The following MYO16 variants were observed in gnomAD, a reference collection of about 807,000 sequenced individuals.
MYO16 encodes unconventional myosin-XVI.
MYO16 carries 94 observed loss-of-function variants against 205.3 expected under a neutral mutation model. That is an observed-to-expected ratio of 0.46 (90% CI 0.39 to 0.54). The LOEUF is 0.54. MYO16 is among the 20% of genes least tolerant of loss of function. MYO16 has a pLI of 0.00. For synonymous variants in MYO16, 988 were observed against 954.0 expected (o/e 1.04, Z -0.66); for missense variants, 2,315 against 2,387.5 (o/e 0.97, Z 0.63).
intron 12 of MYO16, among the ~76,000 whole-genome samples, chr13:108,881,150 C>G (rs1027849741): frequency 1.3e-5 from 2 of 152,174 alleles, no homozygotes; most frequent in African/African-American, 4.8e-5. Context: ...TTTTCTGCAG[C>G]CTCTGCTGGT....
chr13:108,631,329 C>T (rs1240482697), intron 1 of MYO16, among the ~76,000 whole-genome samples: 12 of 152,272 alleles, frequency 7.9e-5, no homozygotes, highest in African/African-American at 2.2e-4. Flanking sequence ...GTGACATGGA[C>T]GTGAGAGATT....
chr13:108,706,263 A>G (rs1883504907), intron 2 of MYO16, among the ~76,000 whole-genome samples: 1 of 152,204 alleles, frequency 6.6e-6, no homozygotes, highest in African/African-American at 2.4e-5. Flanking sequence ...AGTTGATTGT[A>G]CGTGGCTGAA....
At chr13:108,771,089 A>G (rs1236125569) in intron 4 of MYO16, among the ~76,000 whole-genome samples, 3 of 152,286 alleles carry the variant, frequency 2.0e-5, no homozygotes, top group East Asian at 3.9e-4. Context: ...TTAGGACTAT[A>G]AAGGGGAGGA....
rs145218357 is a variant in MYO16, at chr13:109,067,437, C to T, written c.3335+11842C>T. ...TTCCCAGGAGGTAGGTTCAAAGTCT[C>T]ACATCTCATCCCTAAGGGTGTCTCT... On this transcript the variant is annotated intron_variant, in intron 27 of 34. Coordinates refer to ENST00000457511, the MANE Select transcript of MYO16 (RefSeq NM_001198950.3). Among the ~76,000 whole-genome samples the T allele has an allele frequency of 6.3e-4, 96 of 152,286 alleles. 1 individual carries two copies. Among genetic ancestry groups the T allele is most frequent in the African/African-American group, 2.1e-3 (89 of 41,552 alleles).
intron 20 of MYO16, among the ~76,000 whole-genome samples, chr13:108,982,191 G>A (rs1021448613): frequency 7.9e-5 from 12 of 152,212 alleles, no homozygotes; most frequent in African/African-American, 2.2e-4. Context: ...TAATACCAGC[G>A]TGTTGTATTC....
intron 34 of MYO16, among the ~76,000 whole-genome samples, chr13:109,193,990 T>C (rs1880038783): frequency 6.6e-6 from 1 of 152,334 alleles, no homozygotes; most frequent in South Asian, 2.1e-4. Flanking sequence ...GTGGCCATAC[T>C]GCCTTTAAAT....
intron 3 of MYO16, among the ~76,000 whole-genome samples, chr13:108,714,309 C>A (rs1288695367): frequency 6.6e-6 from 1 of 152,218 alleles, no homozygotes; most frequent in African/African-American, 2.4e-5. Context: ...CCCGCCTTGG[C>A]CTCCCGAAGT....
rs978619246 is a variant in MYO16, at chr13:108,947,076, A to G, written c.1926-10612A>G. ...GGGGTGGGCCTGGATGAACCTGCCT[A>G]AGAATACCTTTGTCAGTAGTAACTA... is the stretch of plus-strand genomic sequence containing the variant. On this transcript the variant is annotated intron_variant, in intron 16 of 34. Coordinates refer to ENST00000457511, the MANE Select transcript of MYO16 (RefSeq NM_001198950.3). 2.0e-5 allele frequency among the ~76,000 whole-genome samples: 3 copies of G among 152,212 alleles called. No homozygotes were observed. The South Asian group carries it at 6.2e-4, about 31-fold the overall frequency.
intron 34 of MYO16, among the ~76,000 whole-genome samples, chr13:109,206,398 G>A (rs151108156): frequency 5.8e-4 from 89 of 152,302 alleles, no homozygotes; most frequent in Non-Finnish European, 1.0e-3. Flanking sequence ...AGTTCCCAAT[G>A]TTTTGTTGCA....
chr13:108,755,091 G>T (rs1298756356), intron 4 of MYO16, among the ~76,000 whole-genome samples: 1 of 152,064 alleles, frequency 6.6e-6, no homozygotes, highest in Non-Finnish European at 1.5e-5. Context: ...ATGATCTGGA[G>T]CAGACATAGA....
At chr13:108,981,012 G>A (rs765960883) in intron 20 of MYO16, among the ~76,000 whole-genome samples, 1 of 152,120 alleles carries the variant, frequency 6.6e-6, no homozygotes, top group Non-Finnish European at 1.5e-5. Flanking sequence ...TTAAAAGCCT[G>A]AGTTTTTGCA....
the MYO16 span, among the ~76,000 whole-genome samples, chr13:108,570,436 A>G: frequency 6.6e-6 from 1 of 151,904 alleles, no homozygotes; most frequent in South Asian, 2.1e-4. Flanking sequence ...TTTCATAGAG[A>G]TGGGGTTCCT....
intron 4 of MYO16, among the ~76,000 whole-genome samples, chr13:108,765,235 C>T (rs1885739883): frequency 6.6e-6 from 1 of 152,154 alleles, no homozygotes; most frequent in African/African-American, 2.4e-5. Context: ...TAATGGTATG[C>T]AGTTGCATTA....
At chr13:109,170,067 A>C (rs1878862781) in intron 33 of MYO16, among the ~76,000 whole-genome samples, 1 of 152,162 alleles carries the variant, frequency 6.6e-6, no homozygotes, top group South Asian at 2.1e-4. Flanking sequence ...TATCTTTCTT[A>C]CTTCATAAAA....
chr13:108,956,383 CCTTA>C (rs1427037275), intron 16 of MYO16, among the ~76,000 whole-genome samples: 2 of 152,136 alleles, frequency 1.3e-5, no homozygotes, highest in Non-Finnish European at 2.9e-5. Context: ...CACACACTCC[CCTTA>C]CTTGCCTTAC....
At chr13:108,796,840 C>A (rs1049124757) in intron 6 of MYO16, among the ~76,000 whole-genome samples, 27 of 150,296 alleles carry the variant, frequency 1.8e-4, no homozygotes, top group African/African-American at 6.2e-4. Context: ...ATGGGTGCAG[C>A]ACACCAACAT....
intron 10 of MYO16, 103 bp downstream of exon 10, chr13:108,844,596 C>A: frequency 1.7e-6 from 2 of 1,196,674 alleles, no homozygotes; most frequent in Non-Finnish European, 1.1e-6. Context: ...AATTTGCATT[C>A]AAAGACAATT....
At chr13:108,802,543 G>A (rs1886998379) in intron 6 of MYO16, among the ~76,000 whole-genome samples, 2 of 152,174 alleles carry the variant, frequency 1.3e-5, no homozygotes, top group African/African-American at 4.8e-5. Flanking sequence ...GAGCATGGGA[G>A]TATGAATATC....
At chr13:108,673,574 A>G (rs995720424) in intron 2 of MYO16, among the ~76,000 whole-genome samples, 2 of 151,960 alleles carry the variant, frequency 1.3e-5, no homozygotes, top group African/African-American at 4.8e-5. Context: ...TAACACTGGG[A>G]TACCTCTGTT....
Sources: gnomAD v4.1 joint callset for allele counts (sites outside exome capture counted in the v4.1 genomes callset) on GRCh38, gnomAD v4.1.1 for gene constraint, MANE v1.5 for transcripts, NCBI Gene and HGNC (gene_info 2026-07-23, HGNC 2026-07-21) for gene names.